The following XPOT variants were observed in gnomAD, a reference collection of about 807,000 sequenced individuals.
XPOT encodes the protein exportin for tRNA.
Under a neutral mutation model 128.2 loss-of-function variants are expected in XPOT, and 34 were observed. The observed-to-expected ratio is 0.27, with a 90% CI of 0.20 to 0.35. The LOEUF is 0.35. Ranked by LOEUF, XPOT falls within the 10% of genes least tolerant of loss-of-function variation. XPOT has a pLI of 1.00. For missense variants in XPOT, 838 were observed against 1,125.3 expected (o/e 0.74, Z 3.65); for synonymous variants, 348 against 394.3 (o/e 0.88, Z 1.39).
At position 64,449,530 on chromosome 12, in the gene XPOT, C is replaced by T. The variant is rs1480905818; in HGVS notation, c.*1399C>T. The T allele has an allele frequency of 1.3e-5, 2 of 152,172 alleles. No homozygotes were observed. The highest frequency in any genetic ancestry group is 2.9e-5 in the Non-Finnish European group (2 of 68,026). The allele number at this position is 152,172 out of a possible 1,614,324, so 9.4% of individuals were successfully genotyped here. The stretch of plus-strand genomic sequence containing the variant: ...GGGAGGGTTTGTTTTGCCCTTTGGC[C>T]TCATGAATGGGTTTCATGAATGGGC... On this transcript the variant is annotated 3_prime_UTR_variant, in exon 25 of 25. Transcript: ENST00000332707.
At chr12:64,419,232 T>G in intron 6 of XPOT, 138 bp downstream of exon 6, 1 of 644,628 alleles carries the variant, frequency 1.6e-6, no homozygotes, top group East Asian at 3.0e-5. Flanking sequence ...TTACCTGATG[T>G]TTTGGATTTT....
intron 23 of XPOT, 28 bp downstream of exon 23, chr12:64,439,343 G>A (rs756403868): frequency 6.3e-7 from 1 of 1,597,498 alleles, no homozygotes; most frequent in East Asian, 2.2e-5. Flanking sequence ...CCATTGTGTA[G>A]GCGAGAGATC....
At chr12:64,407,374 T>C (rs1485155111) in intron 1 of XPOT, among the ~76,000 whole-genome samples, 1 of 151,390 alleles carries the variant, frequency 6.6e-6, no homozygotes, top group African/African-American at 2.4e-5. Flanking sequence ...TAATCTCAGC[T>C]ATTTGGGAGG....
intron 24 of XPOT, 105 bp from the exon 25 acceptor site, chr12:64,448,000 T>C: frequency 9.6e-7 from 1 of 1,039,126 alleles, no homozygotes; most frequent in Non-Finnish European, 1.5e-6. Context: ...AATGTTCTAA[T>C]GTTACAGAAG....
chr12:64,448,676 G>A lies in XPOT; in HGVS notation c.*545G>A, dbSNP rs1416778725. ...ATATATATATAAAAATAAACTTTACGTAGTGAAATCTTCCAAGTCTTTTCT... is the reference window on the plus strand; with the variant it reads ...ATATATATATAAAAATAAACTTTACATAGTGAAATCTTCCAAGTCTTTTCT... On this transcript the variant is annotated 3_prime_UTR_variant, in exon 25 of 25. Coordinates refer to ENST00000332707, the MANE Select transcript of XPOT (RefSeq NM_007235.6). The A allele has an allele frequency of 2.6e-5, 4 of 151,436 alleles. No homozygotes were observed. The East Asian group carries it at 5.8e-4, about 22-fold the overall frequency. The allele number at this position is 151,436 out of a possible 1,614,324, so 9.4% of individuals were successfully genotyped here.
At chr12:64,428,485 C>T (rs2040211291) in intron 16 of XPOT, among the ~76,000 whole-genome samples, 1 of 151,912 alleles carries the variant, frequency 6.6e-6, no homozygotes, top group South Asian at 2.1e-4. Flanking sequence ...TCTGTTTAAT[C>T]CTATAATTGT....
In XPOT at chr12:64,425,452, G is replaced by A. The variant is rs1462016899; in HGVS notation, c.1567G>A (p.Val523Ile). The change falls in exon 14 of 25, where the codon GTA becomes ATA. Residue 523 changes from valine (V) to isoleucine (I), a missense_variant. Around this residue, in one of 3 missense-constraint regions of XPOT, gnomAD observed 761 missense variants for 988.3 expected, o/e 0.77. Coordinates refer to ENST00000332707, the MANE Select transcript of XPOT (RefSeq NM_007235.6). ...AGTTGAACCTCAGCACATTCCATGTGTACTAGTAAGTACTCTGGATTTTTG... is the reference window on the plus strand; with the variant it reads ...AGTTGAACCTCAGCACATTCCATGTATACTAGTAAGTACTCTGGATTTTTG... ...FTVEPQHIPC[V>I]LMAFLDHRGL... is the part of the protein sequence containing the mutation. The A allele has an allele frequency of 4.3e-6, 7 of 1,612,842 alleles. No individual in the cohort carries two copies. In the Admixed American group the frequency reaches 1.2e-4, roughly 27 times the overall value.
chr12:64,421,507 A>G (rs773101740), intron 9 of XPOT, 36 bp downstream of exon 9: 16 of 1,401,276 alleles, frequency 1.1e-5, no homozygotes, highest in Non-Finnish European at 1.3e-5. Context: ...CTCAATACAT[A>G]ATACAAAGGA....
At chr12:64,425,299 A>G (rs1487376939) in intron 13 of XPOT, 39 bp from the exon 14 acceptor site, 1 of 1,610,176 alleles carries the variant, frequency 6.2e-7, no homozygotes, top group East Asian at 2.2e-5. Context: ...TGATGTTGCA[A>G]TAAATAAGAA....
intron 1 of XPOT, 140 bp from the exon 2 acceptor site, chr12:64,409,822 G>A (rs1192270859): frequency 1.9e-6 from 1 of 525,512 alleles, no homozygotes. Flanking sequence ...CTAACTTTTA[G>A]TTGTAATTTA....
rs542093691 is a variant in XPOT at position 64,409,998 on chromosome 12, C to A, written c.-38C>A. ...TTCTTCTGTGGGATCAGAGGGCACG[C>A]CTATTACAACCAGAAAACTACAAGT... On this transcript the variant is annotated 5_prime_UTR_variant, in exon 2 of 25. Transcript: ENST00000332707. 57 of 1,577,578 alleles carry A rather than the reference C, an allele frequency of 3.6e-5. No individual in the cohort carries two copies. The South Asian group carries it at 5.7e-4, about 16-fold the overall frequency.
intron 18 of XPOT, among the ~76,000 whole-genome samples, chr12:64,432,213 G>T (rs2040245238): frequency 6.6e-6 from 1 of 151,838 alleles, no homozygotes; most frequent in Non-Finnish European, 1.5e-5. Context: ...TAATAAAAGT[G>T]GTTAATACTT....
chr12:64,434,629 A>G lies in XPOT; in HGVS notation c.2569+6A>G. On this transcript the variant is annotated splice_donor_region_variant and intron_variant, in intron 20 of 24. Coordinates refer to ENST00000332707, the MANE Select transcript of XPOT (RefSeq NM_007235.6). ...AAAGTTGGTAGAACTCTGGGGTAAG[A>G]TAATTTTATTTCTTAACCTTCATTT... 2 of 1,608,314 alleles carry G rather than the reference A, an allele frequency of 1.2e-6. No homozygotes were observed. Among genetic ancestry groups the G allele is most frequent in the Non-Finnish European group, 1.7e-6 (2 of 1,174,834 alleles).
intron 1 of XPOT, among the ~76,000 whole-genome samples, chr12:64,407,944 C>T (rs1435976953): frequency 3.3e-5 from 5 of 152,224 alleles, no homozygotes; most frequent in Admixed American, 3.3e-4. Context: ...ACAGAAAAGC[C>T]TATTGTAGGT....
rs755745458 is a variant in XPOT, at chr12:64,434,619, C to T, written c.2565C>T (p.Leu855=). The change falls in exon 20 of 25, where the codon CTC becomes CTT. Residue 855 remains leucine, a synonymous_variant. Coordinates refer to ENST00000332707, the MANE Select transcript of XPOT (RefSeq NM_007235.6). ...CFIILSKLVE[L]WGGKDGPVGF... ...TCATCCTCTCAAAGTTGGTAGAACTCTGGGGTAAGATAATTTTATTTCTTA... is the reference window on the plus strand; with the variant it reads ...TCATCCTCTCAAAGTTGGTAGAACTTTGGGGTAAGATAATTTTATTTCTTA... The T allele has an allele frequency of 9.9e-6, 16 of 1,611,560 alleles. No individual in the cohort carries two copies. The highest frequency in any genetic ancestry group is 2.5e-6 in the Non-Finnish European group (3 of 1,177,952).
At chr12:64,410,821 T>C (rs913891394) in intron 2 of XPOT, among the ~76,000 whole-genome samples, 6 of 125,700 alleles carry the variant, frequency 4.8e-5, no homozygotes, top group Non-Finnish European at 8.2e-5. Flanking sequence ...TAGAAAAATA[T>C]AAAGAATGAG....
chr12:64,440,646 T>C (rs2040317545), intron 23 of XPOT, among the ~76,000 whole-genome samples: 1 of 152,226 alleles, frequency 6.6e-6, no homozygotes, highest in Non-Finnish European at 1.5e-5. Context: ...TTTTTTGTAA[T>C]AGCCATTCTA....
chr12:64,431,095 T>C (rs1457565618), intron 17 of XPOT, among the ~76,000 whole-genome samples: 1 of 152,078 alleles, frequency 6.6e-6, no homozygotes, highest in African/African-American at 2.4e-5. Flanking sequence ...AGGCATGTGC[T>C]ACCACACCCA....
intron 24 of XPOT, among the ~76,000 whole-genome samples, chr12:64,446,829 C>T (rs557071651): frequency 3.9e-5 from 6 of 152,062 alleles, no homozygotes; most frequent in Admixed American, 6.6e-5. Flanking sequence ...CATTCTTTCC[C>T]CTGCACATAG....
Sources: gnomAD v4.1 joint callset for allele counts (sites outside exome capture counted in the v4.1 genomes callset) on GRCh38, gnomAD v4.1.1 for gene constraint, gnomAD v4.1.1 regional missense constraint, MANE v1.5 for transcripts, NCBI Gene and HGNC (gene_info 2026-07-23, HGNC 2026-07-21) for gene names.